Variants in TYW5 observed in about 807,000 individuals in gnomAD.
TYW5 encodes the protein tRNA wybutosine-synthesizing protein 5.
A neutral mutation model predicts 44.4 loss-of-function variants in TYW5; 36 were observed. That is an observed-to-expected ratio of 0.81 (90% CI 0.62 to 1.07). TYW5 has a LOEUF of 1.07. TYW5 is among the 50% of genes least tolerant of loss of function. The probability of loss-of-function intolerance (pLI) is 0.00; values close to 1 mark genes in which losing one functional copy is unlikely to be tolerated. For missense variants in TYW5, 354 were observed against 365.7 expected, an observed-to-expected ratio of 0.97 and a Z score of 0.26; for synonymous variants, 121 against 128.1, an observed-to-expected ratio of 0.94 and a Z score of 0.37.
At chr2:199,951,993 G>T (rs2077548970) in intron 1 of TYW5, among the ~76,000 whole-genome samples, 1 of 151,626 alleles carries the variant, frequency 6.6e-6, no homozygotes, top group East Asian at 1.9e-4. Context: ...CTCCAGCCTG[G>T]GTGACAGAGC....
intron 7 of TYW5, 82 bp downstream of exon 7, chr2:199,935,849 T>A (rs2077416222): frequency 4.0e-6 from 3 of 742,908 alleles, no homozygotes; most frequent in African/African-American, 1.9e-5. Flanking sequence ...ATATTTGTAC[T>A]AAAAAAAAAA....
chr2:199,953,271 C>T (rs948971567), intron 1 of TYW5, among the ~76,000 whole-genome samples: 2 of 151,732 alleles, frequency 1.3e-5, no homozygotes, highest in African/African-American at 4.8e-5. Flanking sequence ...TAACGTGAGC[C>T]GAGACTGTGC....
rs1288943385 is a variant in TYW5 at position 199,931,071 on chromosome 2, A to G, written c.*1996T>C. 6.6e-6 allele frequency: 1 copy of G among 152,220 alleles called. No individual in the cohort carries two copies. The highest frequency in any genetic ancestry group is 1.5e-5 in the Non-Finnish European group (1 of 68,038). The allele number at this position is 152,220 out of a possible 1,614,324, so 9.4% of individuals were successfully genotyped here. On this transcript the variant is annotated 3_prime_UTR_variant, in exon 8 of 8. Coordinates refer to ENST00000354611, the MANE Select transcript of TYW5 (RefSeq NM_001039693.3). ...ATGACCAGGGAAATAATTTTAAAAC[A>G]TCCCAAAGGAAAGTTCTCTAACTTT...
chr2:199,950,999 A>T (rs761721328), intron 1 of TYW5, among the ~76,000 whole-genome samples: 20 of 152,202 alleles, frequency 1.3e-4, no homozygotes, highest in Non-Finnish European at 2.6e-4. Flanking sequence ...TACTATGACC[A>T]CTGTCACATA....
chr2:199,955,218 A>G, intron 1 of TYW5, 175 bp downstream of exon 1: 1 of 609,410 alleles, frequency 1.6e-6, no homozygotes. Context: ...TAGAGGAGCC[A>G]GTCGGCGTCC....
chr2:199,937,898 A>AT (rs2077433447), intron 5 of TYW5, among the ~76,000 whole-genome samples: 1 of 147,536 alleles, frequency 6.8e-6, no homozygotes, highest in Non-Finnish European at 1.5e-5. Flanking sequence ...AGAACTTAAA[A>AT]ATTTTTTTTT....
At chr2:199,947,077 A>G (rs989037675) in intron 2 of TYW5, 2 of 152,234 alleles carry the variant, frequency 1.3e-5, no homozygotes, top group African/African-American at 4.8e-5. Flanking sequence ...GAAAAACTTA[A>G]GGCAATTAAA....
Position 199,932,007 on chromosome 2 carries a change from G to A in TYW5, c.*1060C>T, listed in dbSNP as rs2077381808. ...TTGGGAAATCTTTAACTAGGCTAAG[G>A]TTTAGACATAGGTATAAATTATTTA... On this transcript the variant is annotated 3_prime_UTR_variant, in exon 8 of 8. Coordinates refer to ENST00000354611, the MANE Select transcript of TYW5 (RefSeq NM_001039693.3). 1 of 120,066 alleles carries A rather than the reference G, an allele frequency of 8.3e-6. No homozygotes were observed. The allele number at this position is 120,066 out of a possible 1,614,324, so 7.4% of individuals were successfully genotyped here.
intron 2 of TYW5, chr2:199,944,527 T>A (rs1347630059): frequency 5.9e-5 from 9 of 152,270 alleles, no homozygotes. Flanking sequence ...ATCACACTCT[T>A]GAGCTAGAAG....
chr2:199,950,585 C>T (rs775997018), intron 1 of TYW5, among the ~76,000 whole-genome samples: 19 of 152,160 alleles, frequency 1.2e-4, no homozygotes, highest in African/African-American at 2.4e-4. Flanking sequence ...AAGATGTGCA[C>T]ATTAGGTACA....
chr2:199,936,011 T>A lies in TYW5; in HGVS notation c.611A>T (p.Asp204Val). Residue 204 changes from aspartate to valine, a missense_variant, in exon 7 of 8, where the codon GAC becomes GTC. Transcript: ENST00000354611. ...GGAAAAAAGTGGATATTTAGCCAAG[T>A]CTGGGTTATCTATATTCAGTACTTC... ...KSEVLNIDNP[D>V]LAKYPLFSKA... is the part of the protein sequence containing the mutation. 1 of 1,612,940 alleles carries A rather than the reference T, an allele frequency of 6.2e-7. No homozygotes were observed. Among genetic ancestry groups the A allele is most frequent in the Non-Finnish European group, 8.5e-7 (1 of 1,179,160 alleles).
At chr2:199,949,867 T>C (rs889559567) in intron 1 of TYW5, among the ~76,000 whole-genome samples, 4 of 152,238 alleles carry the variant, frequency 2.6e-5, no homozygotes, top group Non-Finnish European at 4.4e-5. Context: ...TTTTATTTAC[T>C]GGGTAATAAT....
chr2:199,949,185 T>A (rs1159290744), intron 1 of TYW5, among the ~76,000 whole-genome samples: 1 of 151,368 alleles, frequency 6.6e-6, no homozygotes, highest in Admixed American at 6.6e-5. Context: ...CGAAACCCCA[T>A]CTCTACTAAA....
intron 5 of TYW5, among the ~76,000 whole-genome samples, chr2:199,937,620 G>T (rs528301902): frequency 6.6e-6 from 1 of 152,260 alleles, no homozygotes; most frequent in Non-Finnish European, 1.5e-5. Flanking sequence ...AGTGAGCCAG[G>T]ATCGTGCCAC....
chr2:199,953,102 A>G (rs2077559370), intron 1 of TYW5, among the ~76,000 whole-genome samples: 1 of 152,176 alleles, frequency 6.6e-6, no homozygotes, highest in South Asian at 2.1e-4. Context: ...TGGGCGGATC[A>G]CCTGAGGTCA....
At chr2:199,955,371 C>G (rs375482140) in intron 1 of TYW5, 22 bp downstream of exon 1, 15 of 1,611,578 alleles carry the variant, frequency 9.3e-6, no homozygotes, top group Middle Eastern at 1.7e-4. Flanking sequence ...TCTCGAGGTT[C>G]TGCCCCGCGC....
At chr2:199,950,184 T>C (rs896953319) in intron 1 of TYW5, among the ~76,000 whole-genome samples, 1 of 152,184 alleles carries the variant, frequency 6.6e-6, no homozygotes, top group Non-Finnish European at 1.5e-5. Context: ...TCTCTCTCCA[T>C]ATATGTCCAT....
In TYW5 at chr2:199,935,971, A is replaced by G. The variant is rs1346084290; in HGVS notation, c.651T>C (p.Tyr217=). Residue 217 remains tyrosine (Y), a synonymous_variant, in exon 7 of 8, where the codon TAT becomes TAC. Transcript: ENST00000354611. ...KYPLFSKARR[Y]ECSLEAGDVL... ...CATCACCAGCTTCAAGGGAACATTC[A>G]TATCTTCTAGCCTTGGAAAAAAGTG... 3 of 1,612,990 alleles carry G rather than the reference A, an allele frequency of 1.9e-6. No homozygotes were observed. The highest frequency in any genetic ancestry group is 3.3e-5 in the Admixed American group (2 of 59,958).
intron 7 of TYW5, among the ~76,000 whole-genome samples, chr2:199,934,555 T>A (rs1238645151): frequency 6.6e-6 from 1 of 152,084 alleles, no homozygotes; most frequent in Non-Finnish European, 1.5e-5. Flanking sequence ...TTATATCATA[T>A]CTGGCCCTTT....
Sources: allele counts gnomAD v4.1 joint callset (sites outside exome capture counted in the v4.1 genomes callset), GRCh38; gene constraint gnomAD v4.1.1; transcripts MANE v1.5; gene names NCBI Gene and HGNC (gene_info 2026-07-23, HGNC 2026-07-21).